The following TBC1D5 variants were observed in gnomAD, a reference collection of about 807,000 sequenced individuals.
TBC1D5 encodes the protein TBC1 domain family, member 5.
TBC1D5 carries 75 observed loss-of-function variants against 100.3 expected under a neutral mutation model. The observed-to-expected ratio is 0.75, with a 90% CI of 0.62 to 0.91. TBC1D5 has a LOEUF of 0.91. Among genes scored for constraint, TBC1D5 ranks in the 40% least tolerant of loss-of-function variants. The pLI is 0.00. For missense variants in TBC1D5, 910 were observed against 942.4 expected (o/e 0.97, Z 0.45); for synonymous variants, 323 against 325.6 (o/e 0.99, Z 0.09).
intron 16 of TBC1D5, among the ~76,000 whole-genome samples, chr3:17,240,873 A>G (rs1224799177): frequency 1.3e-5 from 2 of 152,190 alleles, no homozygotes; most frequent in African/African-American, 4.8e-5. Flanking sequence ...CTGCTAGAGC[A>G]TTATCAAGAG....
intron 2 of TBC1D5, among the ~76,000 whole-genome samples, chr3:17,602,876 ACAAT>A (rs1410428211): frequency 2.0e-5 from 3 of 151,940 alleles, no homozygotes. Context: ...TGCCCGGCCG[ACAAT>A]CAGATTTTTT....
intron 3 of TBC1D5, among the ~76,000 whole-genome samples, chr3:17,473,286 C>T (rs932580952): frequency 2.0e-5 from 3 of 152,008 alleles, no homozygotes; most frequent in African/African-American, 7.3e-5. Context: ...AAAGCATATC[C>T]GAATAATCAC....
At chr3:17,636,996 A>G (rs556975814) in intron 1 of TBC1D5, among the ~76,000 whole-genome samples, 10 of 151,774 alleles carry the variant, frequency 6.6e-5, no homozygotes, top group Middle Eastern at 6.8e-3. Context: ...TGGATAAAAA[A>G]TTTAAACCTA....
intron 2 of TBC1D5, among the ~76,000 whole-genome samples, chr3:17,526,528 A>C (rs1013025778): frequency 2.6e-4 from 39 of 152,322 alleles, no homozygotes; most frequent in Non-Finnish European, 1.5e-4. Flanking sequence ...TTTAGTCAAC[A>C]TTATCTAGGC....
chr3:17,325,792 G>C (rs2086039481), intron 13 of TBC1D5, among the ~76,000 whole-genome samples: 1 of 152,154 alleles, frequency 6.6e-6, no homozygotes, highest in Non-Finnish European at 1.5e-5. Flanking sequence ...TAAAAATTCT[G>C]AAGTGCAGGA....
At chr3:17,395,122 G>A (rs1373518818) in intron 8 of TBC1D5, among the ~76,000 whole-genome samples, 1 of 151,970 alleles carries the variant, frequency 6.6e-6, no homozygotes, top group Non-Finnish European at 1.5e-5. Context: ...CAGGATATAA[G>A]GTTGGGAGAA....
chr3:17,523,490 G>C (rs2096087149), intron 2 of TBC1D5, among the ~76,000 whole-genome samples: 1 of 152,088 alleles, frequency 6.6e-6, no homozygotes, highest in Admixed American at 6.6e-5. Flanking sequence ...GGAATATCTA[G>C]GACAGGCTTT....
intron 1 of TBC1D5, chr3:17,699,948 G>GCT (rs1353897375): frequency 6.6e-6 from 1 of 152,092 alleles, no homozygotes; most frequent in African/African-American, 2.4e-5. Flanking sequence ...GCAGTCAAAT[G>GCT]CTCTGCCCCC....
intron 13 of TBC1D5, among the ~76,000 whole-genome samples, chr3:17,321,686 C>T (rs1031593349): frequency 1.3e-5 from 2 of 152,012 alleles, no homozygotes; most frequent in African/African-American, 4.8e-5. Flanking sequence ...GTTTTGATTT[C>T]CTTTTAGTAC....
chr3:17,503,838 T>C (rs1376591001), intron 3 of TBC1D5, among the ~76,000 whole-genome samples: 1 of 149,850 alleles, frequency 6.7e-6, no homozygotes, highest in Admixed American at 6.6e-5. Flanking sequence ...AAGTGATTAC[T>C]GCTGTGCATT....
At chr3:17,587,654 G>A (rs888404149) in intron 2 of TBC1D5, among the ~76,000 whole-genome samples, 5 of 152,060 alleles carry the variant, frequency 3.3e-5, no homozygotes, top group African/African-American at 1.2e-4. Flanking sequence ...ATTACATTGT[G>A]ATGCTGCATT....
At chr3:17,320,690 T>C (rs2085302486) in intron 13 of TBC1D5, among the ~76,000 whole-genome samples, 1 of 152,252 alleles carries the variant, frequency 6.6e-6, no homozygotes, top group Non-Finnish European at 1.5e-5. Flanking sequence ...CTGGTATTCA[T>C]TTTGGTGCAA....
At chr3:17,444,015 T>C (rs1299351483) in intron 3 of TBC1D5, among the ~76,000 whole-genome samples, 1 of 152,158 alleles carries the variant, frequency 6.6e-6, no homozygotes, top group East Asian at 1.9e-4. Flanking sequence ...AATCTAATTA[T>C]CTTCTCATGA....
intron 17 of TBC1D5, among the ~76,000 whole-genome samples, chr3:17,225,864 C>A (rs1453265311): frequency 6.6e-6 from 1 of 151,986 alleles, no homozygotes; most frequent in African/African-American, 2.4e-5. Context: ...ACAACAAACC[C>A]AGTATAACAT....
At chr3:17,183,880 C>G (rs892929039) in intron 19 of TBC1D5, among the ~76,000 whole-genome samples, 2 of 152,196 alleles carry the variant, frequency 1.3e-5, no homozygotes, top group African/African-American at 4.8e-5. Context: ...GGTGGATTCT[C>G]TTTGGTTTCT....
intron 1 of TBC1D5, among the ~76,000 whole-genome samples, chr3:17,682,771 G>A (rs977467275): frequency 4.6e-5 from 7 of 151,460 alleles, no homozygotes; most frequent in Admixed American, 6.6e-5. Flanking sequence ...TTAATAAATC[G>A]TGTTCCTAGG....
rs140293693 is a variant in TBC1D5 at position 17,283,206 on chromosome 3, T to C, written c.1245+8689A>G. ...TGAACCAAACTGAATCTTGCTAAAA[T>C]AGACCCCAAAGGGTCCATTGAGATT... On this transcript the variant is annotated intron_variant, in intron 15 of 21. Coordinates refer to ENST00000253692, the Ensembl canonical transcript of TBC1D5. 1.3e-4 allele frequency among the ~76,000 whole-genome samples: 20 copies of C among 152,362 alleles called. No individual in the cohort carries two copies. In the East Asian group the frequency reaches 3.5e-3, roughly 26 times the overall value.
At chr3:17,517,461 G>C (rs1007902200) in intron 2 of TBC1D5, among the ~76,000 whole-genome samples, 9 of 152,082 alleles carry the variant, frequency 5.9e-5, no homozygotes, top group African/African-American at 2.2e-4. Flanking sequence ...GCTTTACAAA[G>C]TTAACCATCC....
chr3:17,200,712 C>T (rs984582463), intron 18 of TBC1D5, among the ~76,000 whole-genome samples: 2 of 152,186 alleles, frequency 1.3e-5, no homozygotes, highest in Non-Finnish European at 2.9e-5. Context: ...TCTGGTGATC[C>T]ATACATTCAA....
Sources: allele counts gnomAD v4.1 joint callset (sites outside exome capture counted in the v4.1 genomes callset), GRCh38; gene constraint gnomAD v4.1.1; transcripts MANE v1.5; gene names NCBI Gene and HGNC (gene_info 2026-07-23, HGNC 2026-07-21).